ARHGAP32: variants seen among roughly 807,000 people sequenced by gnomAD.
ARHGAP32 encodes the protein Rho GTPase activating protein 32.
Under a neutral mutation model 186.5 loss-of-function variants are expected in ARHGAP32, and 51 were observed. The ratio of observed to expected loss-of-function variants is 0.27; its 90% CI spans 0.22 to 0.35. The LOEUF (loss-of-function observed/expected upper bound fraction) is 0.35. ARHGAP32 is among the 10% of genes least tolerant of loss of function. The pLI is 1.00. For synonymous variants in ARHGAP32, 950 were observed against 964.3 expected, an observed-to-expected ratio of 0.99 and a Z score of 0.27; for missense variants, 2,186 against 2,623.5, an observed-to-expected ratio of 0.83 and a Z score of 3.64.
chr11:129,224,768 C>CA (rs57944399), intron 1 of ARHGAP32, among the ~76,000 whole-genome samples: 40,887 of 102,276 alleles, frequency 0.4, 8,846 homozygotes, highest in East Asian at 0.46. Context: ...TTGGCTAGAG[C>CA]AAAAAAAAAA....
At chr11:128,977,924 C>T (rs1039495231) in intron 19 of ARHGAP32, among the ~76,000 whole-genome samples, 5 of 149,572 alleles carry the variant, frequency 3.3e-5, no homozygotes, top group African/African-American at 1.2e-4. Context: ...ACTTTGTTGC[C>T]CAGGCTGGTC....
intron 1 of ARHGAP32, among the ~76,000 whole-genome samples, chr11:129,252,960 G>A (rs1327772210): frequency 2.0e-5 from 3 of 152,122 alleles, no homozygotes; most frequent in Non-Finnish European, 4.4e-5. Context: ...AATAGAGGAA[G>A]AATGAACTGG....
rs1436182848 is a variant in ARHGAP32, at chr11:128,974,412, G to A, written c.2785C>T (p.Leu929=). Residue 929 remains leucine, a synonymous_variant, in exon 21 of 23, where the codon CTA becomes TTA. Coordinates refer to ENST00000682385, the MANE Select transcript of ARHGAP32 (RefSeq NM_001378024.1). ...ATGACTTCTGACACCCGTGGTGGTA[G>A]GGTCACTGAAATTGGCTCAGATATG... ...MSISEPISVT[L]PPRVSEVIGT... 7 of 1,614,012 alleles carry A rather than the reference G, an allele frequency of 4.3e-6. No individual in the cohort carries two copies. Among genetic ancestry groups the A allele is most frequent in the Middle Eastern group, 3.3e-4 (2 of 6,084 alleles).
At chr11:129,160,987 T>C (rs777762956) in intron 2 of ARHGAP32, among the ~76,000 whole-genome samples, 1 of 151,956 alleles carries the variant, frequency 6.6e-6, no homozygotes, top group Non-Finnish European at 1.5e-5. Context: ...ACAGAAGCCT[T>C]AGAAATAACG....
chr11:129,182,772 T>C lies in ARHGAP32; in HGVS notation c.116+9311A>G, dbSNP rs184159247. On this transcript the variant is annotated intron_variant, in intron 1 of 22. Coordinates refer to ENST00000682385, the MANE Select transcript of ARHGAP32 (RefSeq NM_001378024.1). The stretch of plus-strand genomic sequence containing the variant: ...GATCCTCCCACTTCAGTCTCCTGAG[T>C]ACCTGGGACTACAGGCAGGTACCAC... 5.3e-3 allele frequency among the ~76,000 whole-genome samples: 803 copies of C among 151,848 alleles called. 6 individuals carry two copies. Among genetic ancestry groups the C allele is most frequent in the Non-Finnish European group, 7.6e-3 (518 of 67,948 alleles).
intron 1 of ARHGAP32, among the ~76,000 whole-genome samples, chr11:129,217,872 C>T (rs181442278): frequency 1.1e-4 from 17 of 152,240 alleles, no homozygotes; most frequent in African/African-American, 3.6e-4. Flanking sequence ...AAATCCCAAA[C>T]GTGGTGATTA....
At chr11:129,047,631 C>A (rs532647661) in intron 10 of ARHGAP32, among the ~76,000 whole-genome samples, 21 of 152,074 alleles carry the variant, frequency 1.4e-4, no homozygotes, top group Non-Finnish European at 2.4e-4. Context: ...AAAAAAAAAT[C>A]ACATCACTAA....
intron 1 of ARHGAP32, among the ~76,000 whole-genome samples, chr11:129,186,685 G>A (rs1048721914): frequency 1.3e-5 from 2 of 152,012 alleles, no homozygotes; most frequent in African/African-American, 2.4e-5. Context: ...GTAATAATCC[G>A]ATTTAAAAAT....
At chr11:129,173,592 C>A (rs376492705) in intron 1 of ARHGAP32, among the ~76,000 whole-genome samples, 2 of 152,202 alleles carry the variant, frequency 1.3e-5, no homozygotes, top group African/African-American at 2.4e-5. Context: ...AAAATTGAAT[C>A]CAGCAGCACA....
intron 1 of ARHGAP32, among the ~76,000 whole-genome samples, chr11:129,247,307 G>A (rs141413764): frequency 3.5e-4 from 53 of 152,252 alleles, no homozygotes; most frequent in African/African-American, 1.1e-3. Flanking sequence ...GAGGCAAGTT[G>A]CCAGCAGTGA....
intron 5 of ARHGAP32, among the ~76,000 whole-genome samples, chr11:129,108,092 G>A (rs982450627): frequency 5.3e-5 from 8 of 151,802 alleles, no homozygotes; most frequent in Non-Finnish European, 7.4e-5. Context: ...CAAAAATGGG[G>A]GCAAAAAATA....
At chr11:129,118,246 CA>C (rs1942427829) in intron 5 of ARHGAP32, among the ~76,000 whole-genome samples, 1 of 151,794 alleles carries the variant, frequency 6.6e-6, no homozygotes, top group Non-Finnish European at 1.5e-5. Context: ...TAATATTTGA[CA>C]AAGTTGGTTT....
chr11:129,004,700 T>A (rs1166237632), intron 11 of ARHGAP32, among the ~76,000 whole-genome samples: 1 of 152,170 alleles, frequency 6.6e-6, no homozygotes, highest in East Asian at 1.9e-4. Context: ...TGCTCTTTTT[T>A]GGTTTCCATT....
chr11:129,148,912 C>G (rs933389496), intron 2 of ARHGAP32, among the ~76,000 whole-genome samples: 2 of 152,122 alleles, frequency 1.3e-5, no homozygotes, highest in Non-Finnish European at 2.9e-5. Flanking sequence ...TGAGAACCAC[C>G]CCCTCAATCC....
chr11:128,995,417 C>T (rs559030697), intron 12 of ARHGAP32, among the ~76,000 whole-genome samples: 1 of 152,302 alleles, frequency 6.6e-6, no homozygotes, highest in South Asian at 2.1e-4. Context: ...CTATATGCTG[C>T]CCAGGCTGGT....
At chr11:129,106,020 C>T (rs1304353167) in intron 5 of ARHGAP32, among the ~76,000 whole-genome samples, 2 of 152,042 alleles carry the variant, frequency 1.3e-5, no homozygotes, top group South Asian at 2.1e-4. Flanking sequence ...CAAAAGACAA[C>T]AGATGTTGGT....
chr11:129,137,090 T>A (rs986764082), intron 2 of ARHGAP32, among the ~76,000 whole-genome samples: 1 of 151,750 alleles, frequency 6.6e-6, no homozygotes, highest in Non-Finnish European at 1.5e-5. Context: ...ATAAAAGGAA[T>A]GAGGAATACT....
At chr11:129,205,055 G>C (rs533083285) in intron 1 of ARHGAP32, among the ~76,000 whole-genome samples, 13 of 152,064 alleles carry the variant, frequency 8.5e-5, no homozygotes, top group African/African-American at 3.1e-4. Context: ...AATATAACAG[G>C]GAAGTAAAAA....
chr11:129,081,431 T>C (rs1941216127), intron 6 of ARHGAP32, among the ~76,000 whole-genome samples: 1 of 152,144 alleles, frequency 6.6e-6, no homozygotes, highest in South Asian at 2.1e-4. Flanking sequence ...GTGGGTTTCA[T>C]ACCAGGAATG....
Sources: allele counts gnomAD v4.1 joint callset (sites outside exome capture counted in the v4.1 genomes callset), GRCh38; gene constraint gnomAD v4.1.1; transcripts MANE v1.5; gene names NCBI Gene and HGNC (gene_info 2026-07-23, HGNC 2026-07-21).